The following NTRK3 variants were observed in gnomAD, a reference collection of about 807,000 sequenced individuals.
NTRK3 encodes neurotrophic receptor tyrosine kinase 3, also known as NT-3 growth factor receptor.
NTRK3 carries 24 observed loss-of-function variants against 91.7 expected under a neutral mutation model. That is an observed-to-expected ratio of 0.26 (90% CI 0.19 to 0.37). The LOEUF is 0.37. Ranked by LOEUF, NTRK3 falls within the 10% of genes least tolerant of loss-of-function variation. NTRK3 has a pLI of 1.00. For synonymous variants in NTRK3, 483 were observed against 404.0 expected (o/e 1.20, Z -2.34); for missense variants, 880 against 1,068.9 (o/e 0.82, Z 2.46).
chr15:88,186,134 G>C (rs1337839106), intron 3 of NTRK3, among the ~76,000 whole-genome samples: 3 of 152,192 alleles, frequency 2.0e-5, no homozygotes, highest in Non-Finnish European at 2.9e-5. Context: ...CCCGGGTTTT[G>C]TAAATTACCA....
intron 5 of NTRK3, among the ~76,000 whole-genome samples, chr15:88,171,055 C>A (rs1003531950): frequency 6.6e-6 from 1 of 152,116 alleles, no homozygotes; most frequent in Non-Finnish European, 1.5e-5. Flanking sequence ...CCAAAGGCAA[C>A]CACATTAAAG....
At chr15:88,182,265 G>A (rs1412957895) in intron 5 of NTRK3, among the ~76,000 whole-genome samples, 1 of 151,730 alleles carries the variant, frequency 6.6e-6, no homozygotes, top group African/African-American at 2.4e-5. Flanking sequence ...ATGTGCTTGG[G>A]AAAACACAAA....
At chr15:87,899,136 G>A (rs1272360470) in intron 17 of NTRK3, among the ~76,000 whole-genome samples, 3 of 152,282 alleles carry the variant, frequency 2.0e-5, no homozygotes, top group Non-Finnish European at 4.4e-5. Context: ...ATAAATATTT[G>A]CAAGAGGTAT....
chr15:88,048,336 C>A (rs1334767200), intron 13 of NTRK3, among the ~76,000 whole-genome samples: 1 of 152,158 alleles, frequency 6.6e-6, no homozygotes, highest in Non-Finnish European at 1.5e-5. Context: ...TGGGCAAAGT[C>A]CCATATTCCT....
chr15:88,147,761 A>G (rs1461371418), intron 5 of NTRK3, among the ~76,000 whole-genome samples: 1 of 152,164 alleles, frequency 6.6e-6, no homozygotes, highest in African/African-American at 2.4e-5. Context: ...GGGAGTTCTC[A>G]GAGTAGATAA....
chr15:87,861,283 T>G (rs1169247301), exon 19 of NTRK3: 1 of 218,066 alleles, frequency 4.6e-6, no homozygotes, highest in African/African-American at 2.3e-5. Context: ...TTGGCAAAAT[T>G]CCTCTCAGGG....
At chr15:88,188,899 C>T (rs2047162984) in intron 3 of NTRK3, among the ~76,000 whole-genome samples, 1 of 152,234 alleles carries the variant, frequency 6.6e-6, no homozygotes, top group Non-Finnish European at 1.5e-5. Flanking sequence ...TCTCATGCCT[C>T]TTCATTCCAT....
intron 5 of NTRK3, among the ~76,000 whole-genome samples, chr15:88,177,721 T>C (rs2046124910): frequency 6.6e-6 from 1 of 152,218 alleles, no homozygotes; most frequent in Non-Finnish European, 1.5e-5. Flanking sequence ...AAGGGCACGA[T>C]AGGAATACAA....
At chr15:88,203,116 G>A (rs765758463) in intron 3 of NTRK3, among the ~76,000 whole-genome samples, 8 of 152,084 alleles carry the variant, frequency 5.3e-5, no homozygotes, top group South Asian at 2.1e-4. Context: ...CAATGATGGC[G>A]GACAAATATC....
chr15:88,007,513 A>G (rs527883769), intron 14 of NTRK3, among the ~76,000 whole-genome samples: 4 of 152,146 alleles, frequency 2.6e-5, no homozygotes, highest in Non-Finnish European at 5.9e-5. Context: ...AACGATCTGA[A>G]ATTGGATGGC....
Position 88,183,493 on chromosome 15 carries a change from G to A in NTRK3, c.324-4C>T, listed in dbSNP as rs752957891. On this transcript the variant is annotated splice_region_variant and splice_polypyrimidine_tract_variant and intron_variant, in intron 4 of 18. Transcript: ENST00000394480. Reference sequence around the variant, plus strand: ...AAGTCCTGAGTTCTTGATGGTCCTAGACAGAGAGAAAAAGAGGATCAGCAG... The same window carrying A: ...AAGTCCTGAGTTCTTGATGGTCCTAAACAGAGAGAAAAAGAGGATCAGCAG... The A allele has an allele frequency of 6.8e-6, 11 of 1,613,952 alleles. No homozygotes were observed. In the South Asian group the frequency reaches 7.7e-5, roughly 11 times the overall value.
At chr15:88,173,222 T>C (rs904009631) in intron 5 of NTRK3, among the ~76,000 whole-genome samples, 5 of 152,160 alleles carry the variant, frequency 3.3e-5, no homozygotes, top group Non-Finnish European at 7.4e-5. Context: ...GGCTGGATTG[T>C]ACTAGGAGGT....
intron 13 of NTRK3, among the ~76,000 whole-genome samples, chr15:88,055,522 T>C (rs1275156889): frequency 6.6e-6 from 1 of 152,162 alleles, no homozygotes; most frequent in Non-Finnish European, 1.5e-5. Context: ...CATCACAGCA[T>C]CTCCTTAGAT....
rs140062645 is a variant in NTRK3 at position 88,067,982 on chromosome 15, C to T, written c.1397-34937G>A. On this transcript the variant is annotated intron_variant, in intron 13 of 18. Transcript: ENST00000394480. ...AGTTTTTTACAGGATCCACATCTTACGGGCTGTGACTATCTTAGGAAAGAG... is the reference window on the plus strand; with the variant it reads ...AGTTTTTTACAGGATCCACATCTTATGGGCTGTGACTATCTTAGGAAAGAG... Among the ~76,000 whole-genome samples, 1,058 of 152,228 alleles carry T rather than the reference C, an allele frequency of 7.0e-3. 14 individuals carry two copies. Among genetic ancestry groups the T allele is most frequent in the African/African-American group, 0.024 (1,008 of 41,526 alleles).
intron 5 of NTRK3, among the ~76,000 whole-genome samples, chr15:88,152,896 A>T (rs775733482): frequency 3.9e-5 from 6 of 152,206 alleles, no homozygotes; most frequent in Non-Finnish European, 8.8e-5. Context: ...CTGCAAAAAG[A>T]TTATTAAAAG....
intron 17 of NTRK3, among the ~76,000 whole-genome samples, chr15:87,908,101 A>G (rs2066876707): frequency 6.6e-6 from 1 of 152,138 alleles, no homozygotes; most frequent in Admixed American, 6.5e-5. Context: ...TCAAAACTCA[A>G]GGTCACACCT....
exon 19 of NTRK3, chr15:87,862,374 G>A: frequency 4.4e-6 from 1 of 226,004 alleles, no homozygotes; most frequent in Non-Finnish European, 8.8e-6. Context: ...ACCACTAAAT[G>A]TTATGGATGT....
chr15:88,097,761 A>G (rs1009148618), intron 13 of NTRK3, among the ~76,000 whole-genome samples: 4 of 152,238 alleles, frequency 2.6e-5, no homozygotes, highest in Non-Finnish European at 5.9e-5. Context: ...ACTATTTATG[A>G]TATACTATGT....
chr15:88,094,878 G>C (rs546278491), intron 13 of NTRK3, among the ~76,000 whole-genome samples: 1 of 152,342 alleles, frequency 6.6e-6, no homozygotes, highest in Admixed American at 6.5e-5. Flanking sequence ...AAATTAAGCT[G>C]TTTTAACTCC....
Sources: allele counts gnomAD v4.1 joint callset (sites outside exome capture counted in the v4.1 genomes callset), GRCh38; gene constraint gnomAD v4.1.1; transcripts MANE v1.5; gene names NCBI Gene and HGNC (gene_info 2026-07-23, HGNC 2026-07-21).